The following CDH12 variants were observed in gnomAD, a reference collection of about 807,000 sequenced individuals.
The protein encoded by CDH12 is cadherin 12.
In CDH12, 41 loss-of-function variants were observed where a neutral mutation model predicts 74.1. The observed-to-expected ratio is 0.55, with a 90% CI of 0.43 to 0.72. The LOEUF is 0.72. CDH12 is among the 30% of genes least tolerant of loss of function. The pLI is 0.00. For synonymous variants in CDH12, 399 were observed against 355.0 expected, an observed-to-expected ratio of 1.12 and a Z score of -1.39; for missense variants, 945 against 977.2, an observed-to-expected ratio of 0.97 and a Z score of 0.44.
chr5:21,813,718 C>T (rs1012836358), intron 9 of CDH12, among the ~76,000 whole-genome samples: 1 of 152,086 alleles, frequency 6.6e-6, no homozygotes, highest in African/African-American at 2.4e-5. Flanking sequence ...GCTGCTCAAA[C>T]TTTTAGGAAC....
intron 4 of CDH12, among the ~76,000 whole-genome samples, chr5:22,162,134 T>C (rs1243339581): frequency 1.3e-5 from 2 of 151,374 alleles, no homozygotes; most frequent in Non-Finnish European, 2.9e-5. Context: ...CTGGTGGTCA[T>C]ATATAAAAAT....
intron 2 of CDH12, among the ~76,000 whole-genome samples, chr5:22,424,858 A>G (rs1743825301): frequency 6.6e-6 from 1 of 152,028 alleles, no homozygotes; most frequent in Non-Finnish European, 1.5e-5. Flanking sequence ...ACAAATAATA[A>G]AATCTTAGAA....
At chr5:22,495,308 TA>T (rs534763086) in intron 2 of CDH12, among the ~76,000 whole-genome samples, 2 of 152,322 alleles carry the variant, frequency 1.3e-5, no homozygotes, top group South Asian at 4.1e-4. Flanking sequence ...AAACATTCCT[TA>T]AAGATGTTCA....
intron 3 of CDH12, among the ~76,000 whole-genome samples, chr5:22,402,935 T>C (rs1742792688): frequency 6.6e-6 from 1 of 152,072 alleles, no homozygotes; most frequent in African/African-American, 2.4e-5. Context: ...GCAGCTTGGA[T>C]TGAAAGAAAA....
At chr5:22,143,687 C>T (rs1746964043) in intron 4 of CDH12, 1 of 151,862 alleles carries the variant, frequency 6.6e-6, no homozygotes, top group South Asian at 2.1e-4. Flanking sequence ...TTTATCAGTT[C>T]AAAAATGTTC....
chr5:22,156,785 G>A (rs1205140647), intron 4 of CDH12, among the ~76,000 whole-genome samples: 1 of 152,100 alleles, frequency 6.6e-6, no homozygotes, highest in Admixed American at 6.6e-5. Flanking sequence ...TTTAATTGCT[G>A]TGCCATTTTT....
chr5:21,761,436 T>C (rs1033526595), intron 12 of CDH12, among the ~76,000 whole-genome samples: 8 of 152,096 alleles, frequency 5.3e-5, no homozygotes, highest in Non-Finnish European at 1.0e-4. Context: ...ACATATCCAA[T>C]GGCTGTGCAT....
At chr5:22,846,228 T>C (rs1180181582) in intron 1 of CDH12, among the ~76,000 whole-genome samples, 1 of 152,126 alleles carries the variant, frequency 6.6e-6, no homozygotes, top group Admixed American at 6.6e-5. Flanking sequence ...AAATGAAAAG[T>C]CTGGTTTTGA....
chr5:22,053,635 A>T (rs1740541670), intron 5 of CDH12, among the ~76,000 whole-genome samples: 2 of 152,018 alleles, frequency 1.3e-5, no homozygotes, highest in South Asian at 4.1e-4. Flanking sequence ...TCTTATCTTT[A>T]TCAGGCAGAA....
Position 22,273,556 on chromosome 5 carries a change from CA to C in CDH12, c.-332-60914del, listed in dbSNP as rs1353853243. On this transcript the variant is annotated intron_variant, in intron 3 of 14. Transcript: ENST00000382254. ...AATTACTTTTGCACCAAGCTAATAA[CA>C]ATGATATAGTTTGCATTGTTTCTGT... 2.6e-5 allele frequency among the ~76,000 whole-genome samples: 4 copies of C among 152,140 alleles called. No individual in the cohort carries two copies. The East Asian group carries it at 7.7e-4, about 29-fold the overall frequency.
At chr5:22,606,729 T>C (rs918477200) in intron 1 of CDH12, among the ~76,000 whole-genome samples, 13 of 152,122 alleles carry the variant, frequency 8.5e-5, no homozygotes, top group African/African-American at 3.1e-4. Context: ...ATTAAATTGG[T>C]ACCAGGAGAG....
At chr5:22,445,208 T>A (rs1470947819) in intron 2 of CDH12, among the ~76,000 whole-genome samples, 1 of 152,072 alleles carries the variant, frequency 6.6e-6, no homozygotes, top group African/African-American at 2.4e-5. Flanking sequence ...ATTCTCTTTC[T>A]TCAGAATGCT....
chr5:22,102,523 G>A (rs752165209), intron 4 of CDH12, among the ~76,000 whole-genome samples: 6 of 152,080 alleles, frequency 3.9e-5, no homozygotes, highest in Non-Finnish European at 8.8e-5. Flanking sequence ...ACAAAAATTA[G>A]CTAGGCATGG....
At chr5:22,198,981 G>C (rs545978141) in intron 4 of CDH12, among the ~76,000 whole-genome samples, 11 of 151,898 alleles carry the variant, frequency 7.2e-5, no homozygotes. Flanking sequence ...GAGAGTGAAT[G>C]GTCTTTCAAT....
intron 3 of CDH12, among the ~76,000 whole-genome samples, chr5:22,250,009 G>A (rs1038209143): frequency 6.6e-6 from 1 of 151,790 alleles, no homozygotes; most frequent in East Asian, 1.9e-4. Flanking sequence ...AACAAAGTCC[G>A]TCATCCAATT....
chr5:22,683,551 C>T (rs7712164), intron 1 of CDH12, among the ~76,000 whole-genome samples: 83,519 of 151,928 alleles, frequency 0.55, 23,157 homozygotes, highest in Non-Finnish European at 0.57. Flanking sequence ...GTCATCAAAC[C>T]CATGGAATTA....
At position 21,752,382 on chromosome 5, in the gene CDH12, G is replaced by C. The variant is rs1744146407; in HGVS notation, c.1886-146C>G. 4.5e-5 allele frequency: 29 copies of C among 641,370 alleles called. No individual in the cohort carries two copies. In the South Asian group the frequency reaches 6.6e-4, roughly 15 times the overall value. The allele number at this position is 641,370 out of a possible 1,614,324, so 39.7% of individuals were successfully genotyped here. Reference sequence around the variant, plus strand: ...ATAGTAAACATACCATAATCAATAGGATCATACATATGTTTAAATTTTGAA... The same window carrying C: ...ATAGTAAACATACCATAATCAATAGCATCATACATATGTTTAAATTTTGAA... On this transcript the variant is annotated intron_variant, in intron 14 of 14. Coordinates refer to ENST00000382254, the MANE Select transcript of CDH12 (RefSeq NM_004061.5).
chr5:22,403,791 T>C (rs1195625569), intron 3 of CDH12, among the ~76,000 whole-genome samples: 1 of 152,160 alleles, frequency 6.6e-6, no homozygotes, highest in African/African-American at 2.4e-5. Context: ...TAGTAAGACA[T>C]TGTATTTCAG....
At chr5:21,782,102 C>T (rs189645051) in intron 11 of CDH12, among the ~76,000 whole-genome samples, 4 of 152,200 alleles carry the variant, frequency 2.6e-5, no homozygotes, top group African/African-American at 9.6e-5. Context: ...GGACTAGAAG[C>T]TCAAAGACAG....
Sources: allele counts gnomAD v4.1 joint callset (sites outside exome capture counted in the v4.1 genomes callset), GRCh38; gene constraint gnomAD v4.1.1; transcripts MANE v1.5; gene names NCBI Gene and HGNC (gene_info 2026-07-23, HGNC 2026-07-21).